GABRG3: variants seen among roughly 807,000 people sequenced by gnomAD.
GABRG3 encodes the protein gamma-aminobutyric acid receptor subunit gamma-3.
GABRG3 carries 25 observed loss-of-function variants against 48.8 expected under a neutral mutation model. That is an observed-to-expected ratio of 0.51 (90% CI 0.37 to 0.72). GABRG3 has a LOEUF of 0.72. Ranked by LOEUF, GABRG3 falls within the 30% of genes least tolerant of loss-of-function variation. The pLI is 0.00. For missense variants in GABRG3, 394 were observed against 577.9 expected (o/e 0.68, Z 3.26); for synonymous variants, 227 against 217.6 (o/e 1.04, Z -0.38).
chr15:27,173,707 A>T, intron 3 of GABRG3, among the ~76,000 whole-genome samples: 1 of 140,032 alleles, frequency 7.1e-6, no homozygotes, highest in South Asian at 2.2e-4. Flanking sequence ...ATCGCTGCCA[A>T]AAAAAAAAAA....
At position 27,500,432 on chromosome 15, in the gene GABRG3, C is replaced by G. The variant is rs183163623; in HGVS notation, c.713-19540C>G. Among the ~76,000 whole-genome samples the G allele has an allele frequency of 3.1e-3, 465 of 152,304 alleles. 4 individuals are homozygous for G. The highest frequency in any genetic ancestry group is 9.8e-3 in the African/African-American group (406 of 41,560). On this transcript the variant is annotated intron_variant, in intron 6 of 9. Transcript: ENST00000615808. ...CCCACCGCGACTCCACCGCGACTTC[C>G]CTTAGCCATGCACTGGGGAGCTGCA...
chr15:27,283,326 G>A (rs370052131), intron 3 of GABRG3, among the ~76,000 whole-genome samples: 16 of 152,258 alleles, frequency 1.1e-4, no homozygotes, highest in East Asian at 7.8e-4. Context: ...TATCTTGGCC[G>A]GGCACGGTGG....
At chr15:27,293,888 A>G (rs1228756106) in intron 3 of GABRG3, among the ~76,000 whole-genome samples, 2 of 152,226 alleles carry the variant, frequency 1.3e-5, no homozygotes, top group African/African-American at 2.4e-5. Flanking sequence ...ATGTCCAGGG[A>G]GCTACATTCT....
rs139080683 is a variant in GABRG3 at position 27,473,632 on chromosome 15, G to T, written c.575-7018G>T. On this transcript the variant is annotated intron_variant, in intron 5 of 9. Transcript: ENST00000615808. ...CTTTGTATATTTTATTGTTATTTAAGAAAAAAGAAGTGGCTTTCATATTTT... is the reference window on the plus strand; with the variant it reads ...CTTTGTATATTTTATTGTTATTTAATAAAAAAGAAGTGGCTTTCATATTTT... Among the ~76,000 whole-genome samples the T allele has an allele frequency of 4.4e-3, 663 of 152,126 alleles. 5 individuals carry two copies. Among genetic ancestry groups the T allele is most frequent in the African/African-American group, 0.015 (617 of 41,518 alleles).
chr15:26,971,607 G>A lies in GABRG3; in HGVS notation c.53+19G>A, dbSNP rs1159358479. ...ACGCGCGGTAAGTGGCGCGGGGGCC[G>A]CATCCCCGGAGGCCCCGAGCTGGGC... On this transcript the variant is annotated intron_variant, in intron 1 of 9. Transcript: ENST00000615808. The A allele has an allele frequency of 6.6e-7, 1 of 1,521,340 alleles. No homozygotes were observed. 94.2% of individuals were successfully genotyped at this position (1,521,340 alleles called of 1,614,324 possible).
chr15:27,386,966 A>G (rs150528407), intron 5 of GABRG3, among the ~76,000 whole-genome samples: 1 of 152,182 alleles, frequency 6.6e-6, no homozygotes, highest in Non-Finnish European at 1.5e-5. Flanking sequence ...ATAACTTTCC[A>G]TGTTACTGTG....
At chr15:27,486,017 A>G (rs1048180197) in intron 6 of GABRG3, among the ~76,000 whole-genome samples, 1 of 152,188 alleles carries the variant, frequency 6.6e-6, no homozygotes, top group Non-Finnish European at 1.5e-5. Context: ...GTTGTCTAAA[A>G]TAATTTGGGT....
At chr15:27,035,060 T>C (rs1896152312) in intron 3 of GABRG3, among the ~76,000 whole-genome samples, 1 of 151,982 alleles carries the variant, frequency 6.6e-6, no homozygotes, top group Non-Finnish European at 1.5e-5. Flanking sequence ...CCTCTGAGAG[T>C]TCATAGGCCG....
intron 3 of GABRG3, among the ~76,000 whole-genome samples, chr15:27,213,236 G>T (rs1346235804): frequency 6.6e-6 from 1 of 152,238 alleles, no homozygotes; most frequent in Admixed American, 6.5e-5. Context: ...GTCACAACTA[G>T]TGAGAGGCTT....
At chr15:27,403,716 C>G (rs964280881) in intron 5 of GABRG3, among the ~76,000 whole-genome samples, 17 of 151,280 alleles carry the variant, frequency 1.1e-4, no homozygotes, top group Admixed American at 8.6e-4. Flanking sequence ...AGATGGAGAC[C>G]AGCCTGGTCA....
chr15:27,117,016 A>G (rs868282999), intron 3 of GABRG3, among the ~76,000 whole-genome samples: 1 of 152,314 alleles, frequency 6.6e-6, no homozygotes, highest in African/African-American at 2.4e-5. Flanking sequence ...ACAGAAAGAC[A>G]CCATTTAATC....
intron 3 of GABRG3, among the ~76,000 whole-genome samples, chr15:27,189,464 C>T (rs547744355): frequency 6.6e-6 from 1 of 152,106 alleles, no homozygotes; most frequent in Non-Finnish European, 1.5e-5. Flanking sequence ...AGGTGGATTC[C>T]TAGGTATTTT....
At chr15:27,164,218 C>T (rs766982164) in intron 3 of GABRG3, among the ~76,000 whole-genome samples, 1 of 152,174 alleles carries the variant, frequency 6.6e-6, no homozygotes, top group Admixed American at 6.5e-5. Flanking sequence ...TCTCCAAACA[C>T]ACACACACAC....
chr15:27,306,662 ATGTTT>A (rs1566768745), intron 3 of GABRG3, among the ~76,000 whole-genome samples: 133 of 57,118 alleles, frequency 2.3e-3, no homozygotes, highest in Admixed American at 7.3e-3. Context: ...ATATATGAAC[ATGTTT>A]ATATATAAAC....
At chr15:27,298,399 G>A (rs1892074876) in intron 3 of GABRG3, among the ~76,000 whole-genome samples, 1 of 152,106 alleles carries the variant, frequency 6.6e-6, no homozygotes, top group Non-Finnish European at 1.5e-5. Flanking sequence ...GAGGGCTTCA[G>A]CATTTGAAAA....
intron 3 of GABRG3, among the ~76,000 whole-genome samples, chr15:27,066,410 C>G (rs1896738451): frequency 6.6e-6 from 1 of 152,092 alleles, no homozygotes; most frequent in South Asian, 2.1e-4. Context: ...CTGGCTGGTC[C>G]AAACCTGAGA....
At chr15:27,307,667 TTATA>T (rs1892676137) in intron 3 of GABRG3, among the ~76,000 whole-genome samples, 1 of 129,098 alleles carries the variant, frequency 7.7e-6, no homozygotes, top group African/African-American at 2.7e-5. Context: ...GTTTATATAT[TTATA>T]TATAAACATA....
At chr15:27,309,300 A>G (rs762940046) in intron 3 of GABRG3, among the ~76,000 whole-genome samples, 9 of 150,094 alleles carry the variant, frequency 6.0e-5, no homozygotes, top group East Asian at 3.9e-4. Context: ...TGTTTTATAT[A>G]TGTGTGTGTG....
rs1429166010 is a variant in GABRG3, at chr15:27,388,269, G to A, written c.574+59381G>A. Among the ~76,000 whole-genome samples, 48 of 56,252 alleles carry A rather than the reference G, an allele frequency of 8.5e-4. 4 individuals are homozygous for A. The highest frequency in any genetic ancestry group is 3.6e-3 in the East Asian group (4 of 1,110). 36.9% of individuals were successfully genotyped at this position (56,252 alleles called of 152,430 possible). A position where few individuals can be genotyped will look rare whatever the true frequency, so the allele number is the denominator to read the frequency against. On this transcript the variant is annotated intron_variant, in intron 5 of 9. Transcript: ENST00000615808. ...GGAAAGGAAGGAAGGAAAGGAGGGA[G>A]GGAGGGTAAGGAAGGAAGGAAGAAA...
Sources: allele counts gnomAD v4.1 joint callset (sites outside exome capture counted in the v4.1 genomes callset), GRCh38; gene constraint gnomAD v4.1.1; transcripts MANE v1.5; gene names NCBI Gene and HGNC (gene_info 2026-07-23, HGNC 2026-07-21).